TRAPPC9: variants seen among roughly 807,000 people sequenced by gnomAD.
TRAPPC9 encodes the protein IKK2 binding protein.
TRAPPC9 carries 83 observed loss-of-function variants against 124.0 expected under a neutral mutation model. The observed-to-expected ratio is 0.67, with a 90% CI of 0.56 to 0.80. The LOEUF (loss-of-function observed/expected upper bound fraction) is 0.80. Among genes scored for constraint, TRAPPC9 ranks in the 30% least tolerant of loss-of-function variants. The pLI, the probability that TRAPPC9 is intolerant of heterozygous loss-of-function variation, is 0.00. For synonymous variants in TRAPPC9, 638 were observed against 617.5 expected (o/e 1.03, Z -0.49); for missense variants, 1,302 against 1,508.3 (o/e 0.86, Z 2.27).
At chr8:139,880,672 C>T (rs1829626106) in intron 21 of TRAPPC9, among the ~76,000 whole-genome samples, 1 of 152,226 alleles carries the variant, frequency 6.6e-6, no homozygotes, top group Non-Finnish European at 1.5e-5. Flanking sequence ...TAAAAAGGTT[C>T]ATAGCCTTTG....
chr8:139,839,427 C>G (rs1278710549), intron 21 of TRAPPC9, among the ~76,000 whole-genome samples: 1 of 152,186 alleles, frequency 6.6e-6, no homozygotes, highest in Non-Finnish European at 1.5e-5. Context: ...TGGGAGGGGA[C>G]AGACAGGCCA....
chr8:139,934,419 G>T (rs1262909358), intron 19 of TRAPPC9, among the ~76,000 whole-genome samples: 1 of 152,186 alleles, frequency 6.6e-6, no homozygotes, highest in Non-Finnish European at 1.5e-5. Flanking sequence ...CACCATCAAT[G>T]ACAATTTGCA....
At chr8:140,096,526 C>T (rs912295273) in intron 17 of TRAPPC9, 7 of 152,070 alleles carry the variant, frequency 4.6e-5, no homozygotes, top group Admixed American at 3.9e-4. Flanking sequence ...GTAGCTGCTT[C>T]CAAATACATT....
chr8:139,736,760 G>T (rs1260432343), intron 21 of TRAPPC9, among the ~76,000 whole-genome samples: 1 of 152,180 alleles, frequency 6.6e-6, no homozygotes, highest in Non-Finnish European at 1.5e-5. Context: ...GGTAGGATTC[G>T]TGACCCCGTC....
At chr8:139,979,653 A>C (rs1036842317) in intron 19 of TRAPPC9, among the ~76,000 whole-genome samples, 7 of 152,134 alleles carry the variant, frequency 4.6e-5, no homozygotes, top group African/African-American at 1.7e-4. Flanking sequence ...TAGTACAGCA[A>C]GAGGGAGAAT....
chr8:139,825,629 C>T lies in TRAPPC9; in HGVS notation c.3055+60250G>A, dbSNP rs1825571697. 6.6e-6 allele frequency among the ~76,000 whole-genome samples: 1 copy of T among 152,178 alleles called. No individual in the cohort carries two copies. The highest frequency in any genetic ancestry group is 1.5e-5 in the Non-Finnish European group (1 of 68,036). On this transcript the variant is annotated intron_variant, in intron 21 of 22. Coordinates refer to ENST00000438773, the MANE Select transcript of TRAPPC9 (RefSeq NM_001160372.4). The surrounding 1 kb of genome is among the most constrained non-coding windows in gnomAD (Gnocchi z 4.6). ...GTAAGTTCTGAGAAAAAAGTCACTT[C>T]CACCCGGGGGAAATTTCATGGCTCT...
rs530555089 is a variant in TRAPPC9 at position 140,096,471 on chromosome 8, A to G, written c.2557-72392T>C. Reference sequence around the variant, plus strand: ...GTTAGGAAATTATTGCAATAATCCAAGTGAGTGTGAATGGTGACCTGAATC... The same window carrying G: ...GTTAGGAAATTATTGCAATAATCCAGGTGAGTGTGAATGGTGACCTGAATC... On this transcript the variant is annotated intron_variant, in intron 17 of 22. Coordinates refer to ENST00000438773, the MANE Select transcript of TRAPPC9 (RefSeq NM_001160372.4). 10 of 152,352 alleles carry G rather than the reference A, an allele frequency of 6.6e-5. No homozygotes were observed. The East Asian group carries it at 1.5e-3, about 23-fold the overall frequency. 9.4% of individuals were successfully genotyped at this position (152,352 alleles called of 1,614,324 possible).
intron 19 of TRAPPC9, among the ~76,000 whole-genome samples, chr8:139,976,784 T>C (rs2131637653): frequency 6.6e-6 from 1 of 152,318 alleles, no homozygotes; most frequent in Middle Eastern, 3.4e-3. Context: ...CTTCGCCTTC[T>C]GCGGGGATAC....
intron 21 of TRAPPC9, 129 bp from the exon 22 acceptor site, chr8:139,732,331 AG>A (rs1817890838): frequency 1.2e-6 from 1 of 855,968 alleles, no homozygotes; most frequent in Non-Finnish European, 1.8e-6. Context: ...ACTCCCTGCC[AG>A]GCTGGACACT....
chr8:139,935,822 C>A (rs1833477234), intron 19 of TRAPPC9, among the ~76,000 whole-genome samples: 1 of 152,200 alleles, frequency 6.6e-6, no homozygotes, highest in Non-Finnish European at 1.5e-5. Context: ...AACTTCAGAA[C>A]AATCACCTCA....
At chr8:140,174,210 G>A (rs2062018649) in intron 17 of TRAPPC9, among the ~76,000 whole-genome samples, 1 of 152,048 alleles carries the variant, frequency 6.6e-6, no homozygotes, top group Non-Finnish European at 1.5e-5. Context: ...ACAACACACT[G>A]AGGCCTCTTG....
intron 19 of TRAPPC9, among the ~76,000 whole-genome samples, chr8:139,952,773 T>C (rs1441838754): frequency 6.6e-6 from 1 of 152,248 alleles, no homozygotes; most frequent in East Asian, 1.9e-4. Context: ...ACAGTGTCGA[T>C]GCTGTTCTCT....
At chr8:140,069,933 A>C (rs1014288291) in intron 17 of TRAPPC9, among the ~76,000 whole-genome samples, 2 of 152,222 alleles carry the variant, frequency 1.3e-5, no homozygotes, top group African/African-American at 4.8e-5. Context: ...AAGTGCAGGA[A>C]GAGAAAAGTG....
At chr8:139,956,404 G>A (rs1291119919) in intron 19 of TRAPPC9, among the ~76,000 whole-genome samples, 3 of 151,992 alleles carry the variant, frequency 2.0e-5, no homozygotes, top group African/African-American at 4.8e-5. Flanking sequence ...CTTGTGATCC[G>A]CCCACCTCAA....
rs1253253903 is a variant in TRAPPC9 at position 140,063,834 on chromosome 8, C to T, written c.2557-39755G>A. Reference sequence around the variant, plus strand: ...GTTGCCTGCTCTCTTGTCACCCTTTCGGGTTCACAATTTGCCCGCTTCCTA... The same window carrying T: ...GTTGCCTGCTCTCTTGTCACCCTTTTGGGTTCACAATTTGCCCGCTTCCTA... On this transcript the variant is annotated intron_variant, in intron 17 of 22. Coordinates refer to ENST00000438773, the MANE Select transcript of TRAPPC9 (RefSeq NM_001160372.4). This position sits in a 1 kb window ranked among gnomAD's most constrained non-coding sequence, Gnocchi z 4.3. 2.0e-5 allele frequency among the ~76,000 whole-genome samples: 3 copies of T among 152,052 alleles called. No homozygotes were observed. Among genetic ancestry groups the T allele is most frequent in the Non-Finnish European group, 2.9e-5 (2 of 68,016 alleles).
At chr8:140,089,788 A>G (rs1290841514) in intron 17 of TRAPPC9, among the ~76,000 whole-genome samples, 1 of 152,126 alleles carries the variant, frequency 6.6e-6, no homozygotes, top group East Asian at 1.9e-4. Flanking sequence ...TTAAAAACAT[A>G]AGGGCAGGCA....
At chr8:140,054,012 C>G (rs548405411) in intron 17 of TRAPPC9, among the ~76,000 whole-genome samples, 2 of 152,198 alleles carry the variant, frequency 1.3e-5, no homozygotes, top group Non-Finnish European at 2.9e-5. Context: ...CAAAATCATG[C>G]CCTTTGCTAC....
rs568323083 is a variant in TRAPPC9, at chr8:140,188,750, G to A, written c.2556+32709C>T. ...CCCTTCAACACCGATGTTCCCCAGGGATCTACCTTTGCTCCTCTTCTCTCT... is the reference window on the plus strand; with the variant it reads ...CCCTTCAACACCGATGTTCCCCAGGAATCTACCTTTGCTCCTCTTCTCTCT... On this transcript the variant is annotated intron_variant, in intron 17 of 22. Coordinates refer to ENST00000438773, the MANE Select transcript of TRAPPC9 (RefSeq NM_001160372.4). Among the ~76,000 whole-genome samples, 9 of 152,242 alleles carry A rather than the reference G, an allele frequency of 5.9e-5. No individual in the cohort carries two copies. The South Asian group carries it at 1.7e-3, about 28-fold the overall frequency.
chr8:139,921,701 G>A (rs1832512489), intron 19 of TRAPPC9, among the ~76,000 whole-genome samples: 1 of 150,826 alleles, frequency 6.6e-6, no homozygotes, highest in African/African-American at 2.4e-5. Flanking sequence ...GCCAGCCAGG[G>A]ACCCTGGATG....
Sources: gnomAD v4.1 joint callset for allele counts (sites outside exome capture counted in the v4.1 genomes callset) on GRCh38, gnomAD v4.1.1 for gene constraint, Gnocchi (gnomAD v3.1) non-coding constraint, MANE v1.5 for transcripts, NCBI Gene and HGNC (gene_info 2026-07-23, HGNC 2026-07-21) for gene names.